Variants in UGT1A8 observed in about 807,000 individuals in gnomAD.
The protein encoded by UGT1A8 is UDP glucuronosyltransferase family 1 member A8, also known as UDP-glucuronosyltransferase 1A8.
In UGT1A8, 39 loss-of-function variants were observed where a neutral mutation model predicts 45.3. The ratio of observed to expected loss-of-function variants is 0.86; its 90% CI spans 0.67 to 1.12. The LOEUF is 1.12. Ranked by LOEUF, UGT1A8 falls within the 50% of genes most tolerant of loss-of-function variation. UGT1A8 has a pLI of 0.00. For synonymous variants in UGT1A8, 275 were observed against 249.2 expected, an observed-to-expected ratio of 1.10 and a Z score of -0.97; for missense variants, 719 against 664.9, an observed-to-expected ratio of 1.08 and a Z score of -0.90.
At position 233,618,418 on chromosome 2, in the gene UGT1A8, A is replaced by T; in HGVS notation, c.711A>T (p.Thr237=). The part of the protein sequence containing the change: ...ALEIASEILQ[T]PVTAYDLYSH... ...AAATAGCCTCTGAAATTCTCCAAACACCTGTCACAGCATATGATCTCTACA... is the reference window on the plus strand; with the variant it reads ...AAATAGCCTCTGAAATTCTCCAAACTCCTGTCACAGCATATGATCTCTACA... Residue 237 remains threonine, a synonymous_variant, in exon 1 of 5, where the codon ACA becomes ACT. Transcript: ENST00000373450. 1 of 1,613,922 alleles carries T rather than the reference A, an allele frequency of 6.2e-7. No homozygotes were observed. The highest frequency in any genetic ancestry group is 1.7e-5 in the Admixed American group (1 of 60,008).
chr2:233,712,128 G>T (rs2076215932), intron 1 of UGT1A8, among the ~76,000 whole-genome samples: 1 of 152,208 alleles, frequency 6.6e-6, no homozygotes, highest in South Asian at 2.1e-4. Flanking sequence ...CAGAAGACTG[G>T]AGCCTTCAGC....
At chr2:233,637,053 T>G in intron 1 of UGT1A8, 1 of 1,614,018 alleles carries the variant, frequency 6.2e-7, no homozygotes, top group Admixed American at 1.7e-5. Context: ...GCCACCATCT[T>G]GAAGAAGGTG....
At chr2:233,644,441 GC>G (rs2125467697) in intron 1 of UGT1A8, among the ~76,000 whole-genome samples, 1 of 152,262 alleles carries the variant, frequency 6.6e-6, no homozygotes, top group South Asian at 2.1e-4. Flanking sequence ...GGTGGTGCAT[GC>G]CGGTAATCCC....
chr2:233,635,630 A>G (rs2073271612), intron 1 of UGT1A8, among the ~76,000 whole-genome samples: 1 of 150,796 alleles, frequency 6.6e-6, no homozygotes, highest in African/African-American at 2.5e-5. Context: ...AACTACGTCA[A>G]AGGCAAAGCA....
intron 1 of UGT1A8, chr2:233,729,592 C>G (rs1253832448): frequency 6.2e-7 from 1 of 1,613,966 alleles, no homozygotes; most frequent in African/African-American, 1.3e-5. Context: ...CCCCGTTAAC[C>G]TCTGCGCGGC....
intron 1 of UGT1A8, among the ~76,000 whole-genome samples, chr2:233,664,318 G>A (rs878994599): frequency 6.6e-6 from 1 of 152,152 alleles, no homozygotes; most frequent in South Asian, 2.1e-4. Context: ...CTGCTACCAA[G>A]TTCCAAAGTT....
chr2:233,708,950 T>G (rs566854735), intron 1 of UGT1A8, among the ~76,000 whole-genome samples: 79 of 152,176 alleles, frequency 5.2e-4, no homozygotes, highest in Non-Finnish European at 9.3e-4. Context: ...AGAACCCATT[T>G]ATATGTTTCC....
rs1017104769 is a variant in UGT1A8, at chr2:233,772,683, C to T, written c.*124C>T. On this transcript the variant is annotated 3_prime_UTR_variant, in exon 5 of 5. Transcript: ENST00000373450. The stretch of plus-strand genomic sequence containing the variant: ...GAAATACTTTGCATAAATTAATCAG[C>T]CCCAGAGTGCTTTAAAAAATTCTCT... 4 of 1,495,776 alleles carry T rather than the reference C, an allele frequency of 2.7e-6. No individual in the cohort carries two copies. Among genetic ancestry groups the T allele is most frequent in the Admixed American group, 4.9e-5 (2 of 41,024 alleles). 92.7% of individuals were successfully genotyped at this position (1,495,776 alleles called of 1,614,324 possible).
Position 233,617,984 on chromosome 2 carries a change from T to G in UGT1A8, c.277T>G (p.Phe93Val), listed in dbSNP as rs202036752. The change falls in exon 1 of 5, where the codon TTC becomes GTC. Residue 93 changes from phenylalanine (F) to valine (V), a missense_variant. Physicochemically the swap from Phe to Val is conservative, Grantham distance 50. Transcript: ENST00000373450. Reference sequence around the variant, plus strand: ...GGATCTGGACCGGGAATTCATGGATTTCGCCGATGCTCAATGGAAAGCACA... The same window carrying G: ...GGATCTGGACCGGGAATTCATGGATGTCGCCGATGCTCAATGGAAAGCACA... ...LEDLDREFMDFADAQWKAQVR... is the reference protein window; with the variant it reads ...LEDLDREFMDVADAQWKAQVR... 4 of 1,614,182 alleles carry G rather than the reference T, an allele frequency of 2.5e-6. No individual in the cohort carries two copies. Among genetic ancestry groups the G allele is most frequent in the Non-Finnish European group, 3.4e-6 (4 of 1,180,036 alleles).
chr2:233,676,730 T>C (rs1209885601), intron 1 of UGT1A8, among the ~76,000 whole-genome samples: 1 of 152,216 alleles, frequency 6.6e-6, no homozygotes, highest in Non-Finnish European at 1.5e-5. Flanking sequence ...TTTTGCCTGA[T>C]GTTTTCATCG....
chr2:233,729,994 G>A, intron 1 of UGT1A8: 1 of 1,613,954 alleles, frequency 6.2e-7, no homozygotes. Flanking sequence ...ACTATCTCAG[G>A]TCTGTATTGG....
intron 1 of UGT1A8, chr2:233,713,576 T>C: frequency 6.2e-7 from 1 of 1,613,998 alleles, no homozygotes; most frequent in African/African-American, 1.3e-5. Context: ...CCTATATTCC[T>C]AGATTACTAA....
intron 1 of UGT1A8, chr2:233,693,824 A>G: frequency 6.2e-7 from 1 of 1,614,190 alleles, no homozygotes; most frequent in East Asian, 2.2e-5. Flanking sequence ...CATGGTCTTC[A>G]TTGGAGGTAT....
intron 1 of UGT1A8, among the ~76,000 whole-genome samples, chr2:233,656,065 G>A (rs1226110115): frequency 2.0e-5 from 3 of 152,038 alleles, no homozygotes; most frequent in Non-Finnish European, 2.9e-5. Context: ...AGAAGGGATG[G>A]GGTAGGAGCT....
At chr2:233,752,961 T>G (rs1695097435) in intron 1 of UGT1A8, among the ~76,000 whole-genome samples, 1 of 152,248 alleles carries the variant, frequency 6.6e-6, no homozygotes, top group African/African-American at 2.4e-5. Context: ...ATGGGATTTA[T>G]GTAACCAATT....
At chr2:233,738,152 A>T (rs1172003617) in intron 1 of UGT1A8, among the ~76,000 whole-genome samples, 1 of 152,050 alleles carries the variant, frequency 6.6e-6, no homozygotes, top group African/African-American at 2.4e-5. Flanking sequence ...CTTGCAAGCT[A>T]TTCCTCTTTC....
intron 1 of UGT1A8, among the ~76,000 whole-genome samples, chr2:233,759,580 A>G (rs1271749262): frequency 2.0e-5 from 3 of 151,416 alleles, no homozygotes; most frequent in Non-Finnish European, 2.9e-5. Flanking sequence ...TCTCTACCCC[A>G]GCACGCCCCC....
At chr2:233,630,771 G>T (rs967829358) in intron 1 of UGT1A8, among the ~76,000 whole-genome samples, 1 of 150,940 alleles carries the variant, frequency 6.6e-6, no homozygotes, top group Non-Finnish European at 1.5e-5. Flanking sequence ...AAGATGTTCA[G>T]GTTTGTTACA....
Position 233,729,550 on chromosome 2 carries a change from A to C in UGT1A8, c.856-37484A>C, listed in dbSNP as rs780321158. On this transcript the variant is annotated intron_variant, in intron 1 of 4. Transcript: ENST00000373450. ...TAATGAGGCCCTGATCAGGCACCTG[A>C]ATGCTACTTCCTTTGATGTGGTTTT... 8 of 1,614,098 alleles carry C rather than the reference A, an allele frequency of 5.0e-6. No homozygotes were observed. Among genetic ancestry groups the C allele is most frequent in the African/African-American group, 1.3e-5 (1 of 75,014 alleles).
Sources: allele counts gnomAD v4.1 joint callset (sites outside exome capture counted in the v4.1 genomes callset), GRCh38; gene constraint gnomAD v4.1.1; transcripts MANE v1.5; gene names NCBI Gene and HGNC (gene_info 2026-07-23, HGNC 2026-07-21).